CDH23: variants seen among roughly 807,000 people sequenced by gnomAD.
CDH23 encodes the protein cadherin related 23.
A neutral mutation model predicts 317.1 loss-of-function variants in CDH23; 189 were observed. The observed-to-expected ratio is 0.60, with a 90% CI of 0.53 to 0.67. The LOEUF (loss-of-function observed/expected upper bound fraction) is 0.67. Ranked by LOEUF, CDH23 falls within the 30% of genes least tolerant of loss-of-function variation. The pLI is 0.00. For missense variants in CDH23, 4,401 were observed against 4,592.4 expected (o/e 0.96, Z 1.20); for synonymous variants, 1,839 against 1,876.8 (o/e 0.98, Z 0.52).
At chr10:71,729,390 G>A (rs1866960956) in intron 30 of CDH23, among the ~76,000 whole-genome samples, 1 of 152,326 alleles carries the variant, frequency 6.6e-6, no homozygotes, top group African/African-American at 2.4e-5. Context: ...AAAGTGTCAT[G>A]GAGGGAGCTA....
intron 9 of CDH23, among the ~76,000 whole-genome samples, chr10:71,581,819 G>A (rs1858658242): frequency 1.3e-5 from 2 of 152,154 alleles, no homozygotes; most frequent in Non-Finnish European, 2.9e-5. Context: ...CCAGCCTGTG[G>A]TCTCAACAGA....
chr10:71,723,624 C>A (rs2132798351), intron 28 of CDH23, among the ~76,000 whole-genome samples: 1 of 152,196 alleles, frequency 6.6e-6, no homozygotes, highest in South Asian at 2.1e-4. Flanking sequence ...TAACTTCAGG[C>A]CAAGGAAATG....
At chr10:71,769,776 G>A (rs1325290755) in intron 38 of CDH23, among the ~76,000 whole-genome samples, 1 of 152,238 alleles carries the variant, frequency 6.6e-6, no homozygotes, top group African/African-American at 2.4e-5. Context: ...GGCTTGGTAA[G>A]TAGCAGAGCA....
At chr10:71,449,146 C>T (rs1382960280) in intron 3 of CDH23, among the ~76,000 whole-genome samples, 5 of 152,174 alleles carry the variant, frequency 3.3e-5, no homozygotes, top group Non-Finnish European at 7.3e-5. Context: ...CATGTGTGGC[C>T]CAGGGATGGC....
At chr10:71,529,194 C>A (rs963257209) in intron 6 of CDH23, among the ~76,000 whole-genome samples, 1 of 152,192 alleles carries the variant, frequency 6.6e-6, no homozygotes, top group Non-Finnish European at 1.5e-5. Context: ...AGCTCCCAGG[C>A]GATGCCAGTG....
rs993724109 is a variant in CDH23, at chr10:71,731,900, G to A, written c.3716-87G>A. 16 of 1,433,818 alleles carry A rather than the reference G, an allele frequency of 1.1e-5. No homozygotes were observed. The East Asian group carries it at 2.2e-4, about 19-fold the overall frequency. 88.8% of individuals were successfully genotyped at this position (1,433,818 alleles called of 1,614,324 possible). A position where few individuals can be genotyped will look rare whatever the true frequency, so the allele number is the denominator to read the frequency against. ...AGCCCATGCTGGGTGGGCCACCCAG[G>A]GGGTATGGGTGTGGCAGCTTGAGAA... On this transcript the variant is annotated intron_variant, in intron 31 of 69. Transcript: ENST00000224721.
chr10:71,628,809 T>G (rs1056960359), intron 11 of CDH23, among the ~76,000 whole-genome samples: 6 of 152,148 alleles, frequency 3.9e-5, no homozygotes, highest in Admixed American at 2.6e-4. Flanking sequence ...GAGATAAAAT[T>G]TTCAGCATCG....
intron 9 of CDH23, among the ~76,000 whole-genome samples, chr10:71,594,835 C>T (rs1272955508): frequency 2.0e-5 from 3 of 152,342 alleles, no homozygotes; most frequent in East Asian, 3.9e-4. Flanking sequence ...ATAAAATCCC[C>T]ATTTTCGTAG....
chr10:71,751,059 T>C lies in CDH23; in HGVS notation c.4845+9138T>C. ...ACCCCAAAATCCTTGGAACAGGGGC[T>C]GAGCCGTCCAGCATCCCCATGTAGC... On this transcript the variant is annotated intron_variant, in intron 38 of 69. Coordinates refer to ENST00000224721, the MANE Select transcript of CDH23 (RefSeq NM_022124.6). This position sits in a 1 kb window ranked among gnomAD's most constrained non-coding sequence, Gnocchi z 4.9. 1 of 640,166 alleles carries C rather than the reference T, an allele frequency of 1.6e-6. No homozygotes were observed. Among genetic ancestry groups the C allele is most frequent in the South Asian group, 2.3e-5 (1 of 44,024 alleles). 39.7% of individuals were successfully genotyped at this position (640,166 alleles called of 1,614,324 possible).
intron 14 of CDH23, among the ~76,000 whole-genome samples, chr10:71,664,668 C>A (rs946825682): frequency 4.6e-5 from 7 of 152,246 alleles, no homozygotes; most frequent in African/African-American, 1.7e-4. Context: ...AGCTAAAGCA[C>A]CTGTGTGCAT....
At position 71,791,203 on chromosome 10, in the gene CDH23, C is replaced by G. The variant is rs1162247971; in HGVS notation, c.6121C>G (p.Leu2041Val). The change falls in exon 47 of 70, where the codon CTG becomes GTG. Residue 2041 changes from leucine (L) to valine (V), a missense_variant. Transcript: ENST00000224721. Reference protein sequence around the residue: ...AFSPPILELLLLAEDIGLLNS... With the variant: ...AFSPPILELLVLAEDIGLLNS... ...CTCGCCACCCATCCTGGAGCTGCTG[C>G]TGCTGGCTGAGGACATCGGGCTGCT... The G allele has an allele frequency of 6.2e-7, 1 of 1,613,598 alleles. No individual in the cohort carries two copies. Among genetic ancestry groups the G allele is most frequent in the Non-Finnish European group, 8.5e-7 (1 of 1,179,716 alleles).
intron 1 of CDH23, among the ~76,000 whole-genome samples, chr10:71,410,870 A>G (rs922424043): frequency 6.6e-6 from 1 of 152,148 alleles, no homozygotes; most frequent in African/African-American, 2.4e-5. Context: ...CAATTCATCC[A>G]TTCTACTGTT....
chr10:71,531,391 A>G (rs561429718), intron 6 of CDH23, among the ~76,000 whole-genome samples: 20 of 152,160 alleles, frequency 1.3e-4, no homozygotes, highest in African/African-American at 4.8e-4. Flanking sequence ...ATGATTCTGA[A>G]CCTCCATTGA....
intron 11 of CDH23, among the ~76,000 whole-genome samples, chr10:71,636,000 C>T (rs888919957): frequency 3.9e-5 from 6 of 151,994 alleles, no homozygotes. Flanking sequence ...CACTCATGAC[C>T]TAATCACCTC....
rs1357587010 is a variant in CDH23, at chr10:71,812,906, AG to A, written c.9633+18del. 6.8e-6 allele frequency: 11 copies of A among 1,612,028 alleles called. No homozygotes were observed. The highest frequency in any genetic ancestry group is 9.3e-6 in the Non-Finnish European group (11 of 1,179,162). On this transcript the variant is annotated intron_variant, in intron 68 of 69. Coordinates refer to ENST00000224721, the MANE Select transcript of CDH23 (RefSeq NM_022124.6). ...GCCAATCAAGGTGAGCCTTCCCTGC[AG>A]GCTCCGCGCCCAGTCCCTTGGCTGA...
chr10:71,580,435 G>A (rs1229230129), intron 9 of CDH23, among the ~76,000 whole-genome samples: 4 of 152,230 alleles, frequency 2.6e-5, no homozygotes, highest in African/African-American at 9.6e-5. Context: ...ATTCAGCATA[G>A]CTTTATAGGA....
At chr10:71,527,017 G>T (rs1855077358) in intron 6 of CDH23, among the ~76,000 whole-genome samples, 1 of 152,178 alleles carries the variant, frequency 6.6e-6, no homozygotes, top group South Asian at 2.1e-4. Context: ...TGTGAGAGTG[G>T]TGCTGGGCTC....
intron 32 of CDH23, 80 bp downstream of exon 32, chr10:71,732,455 C>T: frequency 6.6e-7 from 1 of 1,526,404 alleles, no homozygotes. Context: ...GCACAGCACT[C>T]TCCTCTTTGT....
In CDH23 at chr10:71,798,423, A is replaced by G; in HGVS notation, c.6899A>G (p.Tyr2300Cys). The G allele has an allele frequency of 1.2e-6, 2 of 1,613,904 alleles. No homozygotes were observed. Among genetic ancestry groups the G allele is most frequent in the Non-Finnish European group, 1.7e-6 (2 of 1,179,814 alleles). The change falls in exon 50 of 70, where the codon TAC (tyrosine) becomes TGC (cysteine). Residue 2300 changes from tyrosine to cysteine, a missense_variant. By Grantham distance (194) the Tyr-to-Cys change is radical. Around this residue, in one of 3 missense-constraint regions of CDH23, gnomAD observed 3,068 missense variants for 3,203.3 expected, o/e 0.96. Transcript: ENST00000224721. ...CAGTTCAAGCCCTTTGGGATCACCT[A>G]CTACATGGAGCGGATCCTGGAGGGG... is the stretch of plus-strand genomic sequence containing the variant. Reference protein sequence around the residue: ...TPQFKPFGITYYMERILEGAT... With the variant: ...TPQFKPFGITCYMERILEGAT...
Sources: gnomAD v4.1 joint callset for allele counts (sites outside exome capture counted in the v4.1 genomes callset) on GRCh38, gnomAD v4.1.1 for gene constraint, gnomAD v4.1.1 regional missense constraint, Gnocchi (gnomAD v3.1) non-coding constraint, MANE v1.5 for transcripts, NCBI Gene and HGNC (gene_info 2026-07-23, HGNC 2026-07-21) for gene names.